Variants in STS observed in about 807,000 individuals in gnomAD.
STS encodes the protein steroid sulfatase.
A neutral mutation model predicts 26.8 loss-of-function variants in STS; 7 were observed. That is an observed-to-expected ratio of 0.26 (90% confidence interval 0.15 to 0.49). STS has a LOEUF of 0.49. Ranked by LOEUF, STS falls within the 20% of genes least tolerant of loss-of-function variation. The pLI is 0.98. For synonymous variants in STS, 199 were observed against 189.4 expected (o/e 1.05, Z -0.42); for missense variants, 434 against 465.6 (o/e 0.93, Z 0.63).
intron 2 of STS, among the ~76,000 whole-genome samples, chrX:7,199,487 TCTCTTA>T (rs1157077911): frequency 8.9e-6 from 1 of 111,969 alleles, no homozygotes; most frequent in Non-Finnish European, 1.9e-5. Flanking sequence ...AGTTTCCTCT[TCTCTTA>T]ACTTAAAACT....
chrX:7,188,242 T>C (rs1441974551), intron 1 of STS, among the ~76,000 whole-genome samples: 1 of 111,717 alleles, frequency 9.0e-6, no homozygotes, highest in East Asian at 2.8e-4. Flanking sequence ...TAATGAGCAT[T>C]GGATGAGTGA....
rs1175683287 is a variant in STS, at chrX:7,350,956, A to G, written c.*695A>G. ...TCAAAAGGGTTAAGATGTCTAAAAT[A>G]GGGACCTAGAAGCTTAACACTATTT... On this transcript the variant is annotated 3_prime_UTR_variant, in exon 11 of 11. Coordinates refer to ENST00000674429, the MANE Select transcript of STS (RefSeq NM_001320752.2). The G allele has an allele frequency of 2.7e-5, 3 of 112,529 alleles. No homozygotes were observed. Among genetic ancestry groups the G allele is most frequent in the African/African-American group, 6.5e-5 (2 of 30,952 alleles). The allele number at this position is 112,529 out of a possible 1,213,427, so 9.3% of individuals were successfully genotyped here. A position where few individuals can be genotyped will look rare whatever the true frequency, so the allele number is the denominator to read the frequency against.
chrX:7,247,646 G>A (rs1193731348), intron 2 of STS, among the ~76,000 whole-genome samples: 1 of 111,987 alleles, frequency 8.9e-6, no homozygotes, highest in African/African-American at 3.2e-5. Flanking sequence ...CTGTAATAGA[G>A]TACTATTCAA....
intron 2 of STS, among the ~76,000 whole-genome samples, chrX:7,244,481 A>C (rs1601681219): frequency 8.9e-6 from 1 of 111,900 alleles, no homozygotes; most frequent in East Asian, 2.8e-4. Context: ...ATCTGCCTAC[A>C]TACAGGAGCA....
At chrX:7,206,624 T>C (rs896898253) in intron 2 of STS, among the ~76,000 whole-genome samples, 1 of 112,184 alleles carries the variant, frequency 8.9e-6, no homozygotes, top group Non-Finnish European at 1.9e-5. Context: ...TTATCAATAA[T>C]GAAAACCCTT....
intron 2 of STS, among the ~76,000 whole-genome samples, chrX:7,199,485 C>G (rs1011097090): frequency 8.9e-6 from 1 of 111,768 alleles, no homozygotes; most frequent in Non-Finnish European, 1.9e-5. Context: ...ACAGTTTCCT[C>G]TTCTCTTAAC....
At chrX:7,339,569 C>A (rs1304797433) in intron 10 of STS, among the ~76,000 whole-genome samples, 1 of 112,223 alleles carries the variant, frequency 8.9e-6, no homozygotes, top group Non-Finnish European at 1.9e-5. Context: ...GTACAAGGTA[C>A]AACATTTGTA....
chrX:7,160,849 G>A (rs1485530976), intron 1 of STS, among the ~76,000 whole-genome samples: 1 of 112,187 alleles, frequency 8.9e-6, no homozygotes. Flanking sequence ...GTGGAAATAC[G>A]TATCCTAAAG....
chrX:7,349,992 A>G lies in STS; in HGVS notation c.1468A>G (p.Thr490Ala). ...HVCFCFGSYV[T>A]HHDPPLLFDI... ...GTGCTTCTGTTTCGGGAGTTATGTC[A>G]CCCATCACGACCCACCTTTACTCTT... is the stretch of plus-strand genomic sequence containing the variant. The change falls in exon 11 of 11, where the codon ACC (threonine) becomes GCC (alanine). Residue 490 changes from threonine (T) to alanine (A), a missense_variant. Coordinates refer to ENST00000674429, the MANE Select transcript of STS (RefSeq NM_001320752.2). The G allele has an allele frequency of 8.3e-7, 1 of 1,210,944 alleles. No individual in the cohort carries two copies. Among genetic ancestry groups the G allele is most frequent in the Non-Finnish European group, 1.1e-6 (1 of 895,279 alleles).
At chrX:7,303,503 G>A (rs753939326) in intron 7 of STS, among the ~76,000 whole-genome samples, 17 of 111,004 alleles carry the variant, frequency 1.5e-4, no homozygotes, top group African/African-American at 3.9e-4. Context: ...TCCCACCGGC[G>A]GTGAAGGAGG....
At chrX:7,155,536 T>A (rs1002991384) in intron 1 of STS, among the ~76,000 whole-genome samples, 3 of 112,473 alleles carry the variant, frequency 2.7e-5, no homozygotes, top group Admixed American at 1.9e-4. Context: ...TTATATAATC[T>A]ATATAAATAA....
Position 7,148,101 on chromosome X carries a change from GGGGCGCCGCCATGGT to G in STS, c.-134+21_-134+35del. 8.8e-7 allele frequency: 1 copy of G among 1,133,879 alleles called. No homozygotes were observed. Among genetic ancestry groups the G allele is most frequent in the South Asian group, 2.0e-5 (1 of 50,189 alleles). The allele number at this position is 1,133,879 out of a possible 1,213,427, so 93.4% of individuals were successfully genotyped here. On this transcript the variant is annotated intron_variant, in intron 1 of 10. Transcript: ENST00000674429. ...AAGATGAGGTGGGTGACGGGCTGCG[GGGGCGCCGCCATGGT>G]GGCGCCTTCTGGGTCTGGGTGGGGG...
At chrX:7,220,497 G>A (rs373448807) in intron 2 of STS, among the ~76,000 whole-genome samples, 1 of 107,318 alleles carries the variant, frequency 9.3e-6, no homozygotes, top group Non-Finnish European at 1.9e-5. Flanking sequence ...GCCATTTTCC[G>A]CTCTGGGTGA....
At chrX:7,349,852 C>T in intron 10 of STS, 36 bp from the exon 11 acceptor site, 2 of 1,210,913 alleles carry the variant, frequency 1.7e-6, no homozygotes, top group Non-Finnish European at 2.2e-6. Flanking sequence ...AAGGATGCTT[C>T]ATACCTAATG....
At chrX:7,332,991 G>A (rs1217373249) in intron 9 of STS, among the ~76,000 whole-genome samples, 1 of 112,119 alleles carries the variant, frequency 8.9e-6, no homozygotes, top group East Asian at 2.8e-4. Flanking sequence ...TTACATTATA[G>A]GTTTTTAGTG....
intron 2 of STS, among the ~76,000 whole-genome samples, chrX:7,222,753 G>A (rs904072386): frequency 2.0e-4 from 22 of 110,642 alleles, no homozygotes; most frequent in African/African-American, 6.9e-4. Flanking sequence ...TGCTTTTTAG[G>A]CATTTATTTA....
chrX:7,344,142 G>A (rs773700935), intron 10 of STS, among the ~76,000 whole-genome samples: 20 of 111,682 alleles, frequency 1.8e-4, no homozygotes, highest in Admixed American at 3.8e-4. Context: ...AGGGAGTGGC[G>A]AATTTGTGCT....
At chrX:7,291,124 T>C (rs1247721941) in intron 7 of STS, among the ~76,000 whole-genome samples, 1 of 111,568 alleles carries the variant, frequency 9.0e-6, no homozygotes, top group Non-Finnish European at 1.9e-5. Flanking sequence ...CATAACTTTG[T>C]CATCTGAGAT....
Position 7,338,396 on chromosome X carries a change from A to G in STS, c.1363+4289A>G, listed in dbSNP as rs1363418708. On this transcript the variant is annotated intron_variant, in intron 10 of 10. Coordinates refer to ENST00000674429, the MANE Select transcript of STS (RefSeq NM_001320752.2). ...CATGGGATAGCTGTAGATATATTCT[A>G]GAATGCAATGCAATATAGTACATAG... 2.7e-5 allele frequency among the ~76,000 whole-genome samples: 3 copies of G among 112,336 alleles called. No individual in the cohort carries two copies. The East Asian group carries it at 8.3e-4, about 31-fold the overall frequency.
Sources: gnomAD v4.1 joint callset for allele counts (sites outside exome capture counted in the v4.1 genomes callset) on GRCh38, gnomAD v4.1.1 for gene constraint, MANE v1.5 for transcripts, NCBI Gene and HGNC (gene_info 2026-07-23, HGNC 2026-07-21) for gene names.